The following PKHD1L1 variants were observed in gnomAD, a reference collection of about 807,000 sequenced individuals.
PKHD1L1 encodes fibrocystin-L.
A neutral mutation model predicts 462.9 loss-of-function variants in PKHD1L1; 434 were observed. The observed-to-expected ratio is 0.94, with a 90% CI of 0.87 to 1.02. PKHD1L1 has a LOEUF of 1.02. PKHD1L1 is among the 50% of genes least tolerant of loss of function. The pLI is 0.00. For synonymous variants in PKHD1L1, 1,781 were observed against 1,750.0 expected, an observed-to-expected ratio of 1.02 and a Z score of -0.44; for missense variants, 5,202 against 5,096.1, an observed-to-expected ratio of 1.02 and a Z score of -0.63.
intron 33 of PKHD1L1, 55 bp from the exon 34 acceptor site, chr8:109,441,220 A>C: frequency 7.9e-7 from 1 of 1,263,344 alleles, no homozygotes; most frequent in South Asian, 1.6e-5. Context: ...ATTCACAAAA[A>C]AAAATTTGAC....
Position 109,411,858 on chromosome 8 carries a change from T to C in PKHD1L1, c.2086-407T>C, listed in dbSNP as rs561280314. Among the ~76,000 whole-genome samples, 5 of 152,310 alleles carry C rather than the reference T, an allele frequency of 3.3e-5. No homozygotes were observed. The South Asian group carries it at 8.3e-4, about 25-fold the overall frequency. On this transcript the variant is annotated intron_variant, in intron 19 of 77. Coordinates refer to ENST00000378402, the MANE Select transcript of PKHD1L1 (RefSeq NM_177531.6). ...CCCTTGAGCCTTAGTACGATAATCA[T>C]TGGCTTCTTTGTCTTAGACGGGTGG...
chr8:109,479,870 A>C (rs1344772892), intron 54 of PKHD1L1, 121 bp from the exon 55 acceptor site: 2 of 1,002,910 alleles, frequency 2.0e-6, no homozygotes, highest in Non-Finnish European at 2.9e-6. Context: ...GGAATCAGGT[A>C]TTATATGAAA....
chr8:109,483,778 T>C (rs1475016277), intron 57 of PKHD1L1, among the ~76,000 whole-genome samples: 1 of 151,630 alleles, frequency 6.6e-6, no homozygotes, highest in African/African-American at 2.4e-5. Flanking sequence ...ACTTCTAATT[T>C]ATGATTTTAC....
chr8:109,376,115 C>G (rs1327120437), intron 2 of PKHD1L1, among the ~76,000 whole-genome samples: 1 of 152,242 alleles, frequency 6.6e-6, no homozygotes, highest in Non-Finnish European at 1.5e-5. Context: ...CCTACAGAGG[C>G]AGGCAGGCCT....
chr8:109,384,265 G>A (rs954988556), intron 5 of PKHD1L1, 138 bp downstream of exon 5: 18 of 716,816 alleles, frequency 2.5e-5, no homozygotes, highest in African/African-American at 3.7e-5. Flanking sequence ...TCAGCCAGGC[G>A]CGGTGGCTCA....
intron 75 of PKHD1L1, 61 bp from the exon 76 acceptor site, chr8:109,523,171 TA>T: frequency 1.4e-6 from 2 of 1,436,060 alleles, no homozygotes; most frequent in Non-Finnish European, 1.9e-6. Context: ...GTTTTGCATA[TA>T]TTTTTAAAAG....
In PKHD1L1 at chr8:109,362,570, C is replaced by A; in HGVS notation, c.-11C>A. The A allele has an allele frequency of 6.2e-7, 1 of 1,604,080 alleles. No homozygotes were observed. The highest frequency in any genetic ancestry group is 8.5e-7 in the Non-Finnish European group (1 of 1,175,380). ...AGCGGAGGGCACCAACTCCGCAGAACTGGCTTTTCAATGGGACACCTGTGG... is the reference window on the plus strand; with the variant it reads ...AGCGGAGGGCACCAACTCCGCAGAAATGGCTTTTCAATGGGACACCTGTGG... On this transcript the variant is annotated 5_prime_UTR_variant, in exon 1 of 78. The change creates a new upstream start codon in the 5' untranslated region. Transcript: ENST00000378402.
Position 109,408,134 on chromosome 8 carries a change from C to T in PKHD1L1, c.1899C>T (p.Asn633=). 1 of 1,613,264 alleles carries T rather than the reference C, an allele frequency of 6.2e-7. No homozygotes were observed. The highest frequency in any genetic ancestry group is 8.5e-7 in the Non-Finnish European group (1 of 1,179,394). Residue 633 remains asparagine (N), a synonymous_variant, in exon 18 of 78, where the codon AAC becomes AAT. Transcript: ENST00000378402. The part of the protein sequence containing the change: ...DITEQTKGKP[N]LETFTLNWDG... ...CAGAACAAACCAAAGGAAAACCCAA[C>T]TTGGAGACATTCACACTGAATTGGG...
At chr8:109,463,457 G>C (rs1964514) in intron 48 of PKHD1L1, among the ~76,000 whole-genome samples, 7,538 of 152,140 alleles carry the variant, frequency 0.05, 386 homozygotes, top group Admixed American at 0.17. Context: ...TCTGGATATT[G>C]AATATTAATA....
At chr8:109,397,927 A>C (rs1242224559) in intron 11 of PKHD1L1, among the ~76,000 whole-genome samples, 1 of 152,196 alleles carries the variant, frequency 6.6e-6, no homozygotes, top group African/African-American at 2.4e-5. Context: ...TGCTTATGTA[A>C]AAGTTACAAT....
rs1321638245 is a variant in PKHD1L1 at position 109,371,533 on chromosome 8, CT to C, written c.163+6901del. 8.0e-5 allele frequency among the ~76,000 whole-genome samples: 12 copies of C among 149,908 alleles called. No homozygotes were observed. In the East Asian group the frequency reaches 1.8e-3, roughly 22 times the overall value. On this transcript the variant is annotated intron_variant, in intron 2 of 77. Transcript: ENST00000378402. ...ATTAGATCCCATTTGTCAATTTTGG[CT>C]TTTGTTGCCATTGCTTTTGGTGTTT... is the stretch of plus-strand genomic sequence containing the variant.
chr8:109,517,720 A>G (rs962187544), intron 72 of PKHD1L1, among the ~76,000 whole-genome samples: 1 of 152,292 alleles, frequency 6.6e-6, no homozygotes, highest in South Asian at 2.1e-4. Flanking sequence ...AAATAGAAAC[A>G]CTGAATTGTA....
At position 109,491,981 on chromosome 8, in the gene PKHD1L1, A is replaced by C. The variant is rs1188081577; in HGVS notation, c.10223A>C (p.His3408Pro). 1 of 1,551,626 alleles carries C rather than the reference A, an allele frequency of 6.4e-7. No individual in the cohort carries two copies. ...AAAGATTTAAGTTCAACTCTCTGGC[A>C]TGCAGCAATTGAGGTAGTGAAAACA... Reference protein sequence around the residue: ...NRKDLSSTLWHAAIEINRGTN... With the variant: ...NRKDLSSTLWPAAIEINRGTN... Residue 3408 changes from histidine (H) to proline (P), a missense_variant, in exon 62 of 78, where the codon CAT becomes CCT. Transcript: ENST00000378402.
chr8:109,493,174 C>CATAT (rs34668259), intron 62 of PKHD1L1, among the ~76,000 whole-genome samples: 3 of 147,290 alleles, frequency 2.0e-5, no homozygotes, highest in South Asian at 2.1e-4. Flanking sequence ...TCTCTCTCTC[C>CATAT]ATATATATAT....
At chr8:109,468,575 T>C (rs1817564169) in intron 50 of PKHD1L1, among the ~76,000 whole-genome samples, 1 of 152,204 alleles carries the variant, frequency 6.6e-6, no homozygotes, top group Non-Finnish European at 1.5e-5. Flanking sequence ...CCAGATTTTA[T>C]ATGTCTGTTT....
intron 58 of PKHD1L1, among the ~76,000 whole-genome samples, chr8:109,485,387 A>G (rs1007752211): frequency 6.6e-6 from 1 of 152,098 alleles, no homozygotes; most frequent in Middle Eastern, 3.4e-3. Flanking sequence ...AATATTCAGC[A>G]AAGACTTACT....
At chr8:109,377,658 G>A (rs940811913) in intron 2 of PKHD1L1, among the ~76,000 whole-genome samples, 28 of 152,016 alleles carry the variant, frequency 1.8e-4, no homozygotes, top group South Asian at 4.1e-4. Flanking sequence ...TTATTTCCTC[G>A]TTCAACTTTA....
chr8:109,436,208 C>T (rs1321296209), intron 29 of PKHD1L1, 130 bp from the exon 30 acceptor site: 1 of 932,188 alleles, frequency 1.1e-6, no homozygotes, highest in East Asian at 2.7e-5. Flanking sequence ...GGTCCTTGAT[C>T]TATTGGCCAG....
At chr8:109,489,649 A>G (rs1395693400) in intron 59 of PKHD1L1, among the ~76,000 whole-genome samples, 2 of 151,910 alleles carry the variant, frequency 1.3e-5, no homozygotes, top group African/African-American at 4.8e-5. Context: ...TGGGGGCAAA[A>G]AACGTAGGTA....
Sources: gnomAD v4.1 joint callset for allele counts (sites outside exome capture counted in the v4.1 genomes callset) on GRCh38, gnomAD v4.1.1 for gene constraint, MANE v1.5 for transcripts, NCBI Gene and HGNC (gene_info 2026-07-23, HGNC 2026-07-21) for gene names.